The following YEATS2 variants were observed in gnomAD, a reference collection of about 807,000 sequenced individuals.
YEATS2 encodes YEATS domain-containing protein 2.
Under a neutral mutation model 163.2 loss-of-function variants are expected in YEATS2, and 77 were observed. The ratio of observed to expected loss-of-function variants is 0.47; its 90% CI spans 0.39 to 0.57. YEATS2 has a LOEUF of 0.57. Among genes scored for constraint, YEATS2 ranks in the 20% least tolerant of loss-of-function variants. The pLI is 0.00. For missense variants in YEATS2, 1,549 were observed against 1,729.8 expected, an observed-to-expected ratio of 0.90 and a Z score of 1.85; for synonymous variants, 631 against 645.1, an observed-to-expected ratio of 0.98 and a Z score of 0.33.
At chr3:183,739,115 T>C (rs1718678705) in intron 8 of YEATS2, among the ~76,000 whole-genome samples, 1 of 151,940 alleles carries the variant, frequency 6.6e-6, no homozygotes, top group African/African-American at 2.4e-5. Flanking sequence ...TGAGATGATA[T>C]CTCATAGTGG....
chr3:183,719,032 G>A (rs2109045229), intron 4 of YEATS2, among the ~76,000 whole-genome samples: 1 of 151,682 alleles, frequency 6.6e-6, no homozygotes, highest in East Asian at 2.0e-4. Flanking sequence ...AATCCAAGAA[G>A]CCTAGCCTAC....
At chr3:183,732,861 T>C (rs903365329) in intron 7 of YEATS2, among the ~76,000 whole-genome samples, 6 of 151,952 alleles carry the variant, frequency 3.9e-5, no homozygotes, top group African/African-American at 1.5e-4. Context: ...ACCCGGCCAA[T>C]TTTGTTTATT....
chr3:183,727,462 C>G (rs1356917198), intron 6 of YEATS2, among the ~76,000 whole-genome samples: 1 of 152,142 alleles, frequency 6.6e-6, no homozygotes, highest in African/African-American at 2.4e-5. Context: ...CTCCCCAAAT[C>G]AATCTGTAGG....
chr3:183,703,965 C>G (rs971941257), intron 1 of YEATS2, among the ~76,000 whole-genome samples: 2 of 151,402 alleles, frequency 1.3e-5, no homozygotes, highest in Non-Finnish European at 2.9e-5. Flanking sequence ...GTTCAACCCT[C>G]CCTCTACTAA....
chr3:183,756,078 G>A (rs1232378276), intron 11 of YEATS2, among the ~76,000 whole-genome samples: 6 of 152,002 alleles, frequency 3.9e-5, no homozygotes, highest in Non-Finnish European at 5.9e-5. Flanking sequence ...TAGTGTCTTC[G>A]AGTATAACCA....
At chr3:183,729,849 G>A (rs553825026) in intron 7 of YEATS2, among the ~76,000 whole-genome samples, 32 of 150,674 alleles carry the variant, frequency 2.1e-4, no homozygotes, top group African/African-American at 9.7e-5. Flanking sequence ...CACCACACCC[G>A]GCTAATTTTT....
At chr3:183,731,821 A>G (rs964424043) in intron 7 of YEATS2, among the ~76,000 whole-genome samples, 2 of 152,214 alleles carry the variant, frequency 1.3e-5, no homozygotes, top group African/African-American at 2.4e-5. Flanking sequence ...TGCCACTCTG[A>G]CAGTGTTGCA....
chr3:183,810,964 AT>A lies in YEATS2; in HGVS notation c.*384del, dbSNP rs945213031. 70 of 202,456 alleles carry A rather than the reference AT, an allele frequency of 3.5e-4. No homozygotes were observed. The highest frequency in any genetic ancestry group is 1.6e-3 in the African/African-American group (68 of 42,858). 12.5% of individuals were successfully genotyped at this position (202,456 alleles called of 1,614,324 possible). Reference sequence around the variant, plus strand: ...GTAGAAAATGAGTGGCAGGCTAGAGATTTCACCCATTTTGTGGGCTGGAGTT... The same window carrying A: ...GTAGAAAATGAGTGGCAGGCTAGAGATTCACCCATTTTGTGGGCTGGAGTT... On this transcript the variant is annotated 3_prime_UTR_variant, in exon 31 of 31. Coordinates refer to ENST00000305135, the MANE Select transcript of YEATS2 (RefSeq NM_018023.5).
At chr3:183,796,044 G>A (rs572893017) in intron 21 of YEATS2, among the ~76,000 whole-genome samples, 3 of 144,682 alleles carry the variant, frequency 2.1e-5, no homozygotes, top group South Asian at 2.2e-4. Flanking sequence ...GTGCAATGGC[G>A]TGATCTCGGC....
Position 183,777,715 on chromosome 3 carries a change from G to C in YEATS2, c.2736+15G>C, listed in dbSNP as rs1257791265. On this transcript the variant is annotated intron_variant, in intron 19 of 30. Coordinates refer to ENST00000305135, the MANE Select transcript of YEATS2 (RefSeq NM_018023.5). ...TGTTTACACAGGTAAATACGCCCATGCACACACCCCAAATATGGGGTGATT... is the reference window on the plus strand; with the variant it reads ...TGTTTACACAGGTAAATACGCCCATCCACACACCCCAAATATGGGGTGATT... The C allele has an allele frequency of 5.0e-6, 8 of 1,609,586 alleles. No homozygotes were observed. Among genetic ancestry groups the C allele is most frequent in the African/African-American group, 1.3e-5 (1 of 74,740 alleles).
intron 1 of YEATS2, among the ~76,000 whole-genome samples, chr3:183,704,885 T>C (rs1039353790): frequency 3.3e-5 from 5 of 152,194 alleles, no homozygotes; most frequent in Non-Finnish European, 5.9e-5. Context: ...CACCTTGGAC[T>C]CCCAAAATGC....
At chr3:183,797,746 G>A (rs1577214216) in intron 21 of YEATS2, among the ~76,000 whole-genome samples, 177 bp from the exon 22 acceptor site, 1 of 152,084 alleles carries the variant, frequency 6.6e-6, no homozygotes, top group African/African-American at 2.4e-5. Context: ...TTGTCATGCC[G>A]ATGTTTTATT....
At chr3:183,796,329 G>A (rs78410950) in intron 21 of YEATS2, among the ~76,000 whole-genome samples, 2,220 of 151,540 alleles carry the variant, frequency 0.015, 47 homozygotes, top group African/African-American at 0.052. Flanking sequence ...AAATGTGTTT[G>A]TATTGTTTGT....
At chr3:183,712,224 T>TTTATTTTATTTTATTTTATTTTA in intron 1 of YEATS2, among the ~76,000 whole-genome samples, 9 of 133,240 alleles carry the variant, frequency 6.8e-5, no homozygotes, top group South Asian at 4.2e-4. Context: ...TTTATTTTAT[T>TTTATTTTATTTTATTTTATTTTA]TTTTGAGACA....
intron 1 of YEATS2, among the ~76,000 whole-genome samples, chr3:183,714,428 C>T (rs1715610205): frequency 6.6e-6 from 1 of 151,630 alleles, no homozygotes; most frequent in African/African-American, 2.4e-5. Flanking sequence ...AATCTCCTGA[C>T]CTCGTGATCC....
intron 1 of YEATS2, among the ~76,000 whole-genome samples, chr3:183,709,986 A>G (rs975626754): frequency 2.0e-5 from 3 of 147,144 alleles, no homozygotes; most frequent in Admixed American, 1.4e-4. Flanking sequence ...GACCCGAGAT[A>G]AAAAGTTTAA....
chr3:183,776,152 A>G, intron 18 of YEATS2, 29 bp downstream of exon 18: 2 of 1,525,236 alleles, frequency 1.3e-6, no homozygotes, highest in Non-Finnish European at 8.8e-7. Flanking sequence ...GATATTTTAA[A>G]TCATTTAGCT....
rs1219755510 is a variant in YEATS2, at chr3:183,806,965, A to T, written c.3884A>T (p.Asp1295Val). 6.2e-7 allele frequency: 1 copy of T among 1,614,180 alleles called. No individual in the cohort carries two copies. Among genetic ancestry groups the T allele is most frequent in the Non-Finnish European group, 8.5e-7 (1 of 1,180,040 alleles). Reference sequence around the variant, plus strand: ...GAACCCGAGAATGAGGAGGAGGTGGACATCCTCAGCCTCTCCGAGCCAGTG... The same window carrying T: ...GAACCCGAGAATGAGGAGGAGGTGGTCATCCTCAGCCTCTCCGAGCCAGTG... ...KREPENEEEV[D>V]ILSLSEPVKI... Residue 1295 changes from aspartate to valine, a missense_variant, in exon 28 of 31, where the codon GAC becomes GTC. Asp to Val is a radical substitution (Grantham distance 152). Coordinates refer to ENST00000305135, the MANE Select transcript of YEATS2 (RefSeq NM_018023.5).
chr3:183,805,337 C>T (rs1726079051), intron 27 of YEATS2, among the ~76,000 whole-genome samples: 1 of 150,474 alleles, frequency 6.6e-6, no homozygotes, highest in African/African-American at 2.4e-5. Context: ...GAGGTTGAGG[C>T]TGCAGTAAGC....
Sources: gnomAD v4.1 joint callset for allele counts (sites outside exome capture counted in the v4.1 genomes callset) on GRCh38, gnomAD v4.1.1 for gene constraint, MANE v1.5 for transcripts, NCBI Gene and HGNC (gene_info 2026-07-23, HGNC 2026-07-21) for gene names.